Variants in MTF1 observed in about 807,000 individuals in gnomAD.
MTF1 encodes MRE-binding transcription factor.
In MTF1, 22 loss-of-function variants were observed where a neutral mutation model predicts 70.4. The ratio of observed to expected loss-of-function variants is 0.31; its 90% CI spans 0.22 to 0.45. MTF1 has a LOEUF of 0.45. MTF1 is among the 20% of genes least tolerant of loss of function. The probability of loss-of-function intolerance (pLI) is 1.00; values close to 1 mark genes in which losing one functional copy is unlikely to be tolerated. For missense variants in MTF1, 649 were observed against 922.0 expected, an observed-to-expected ratio of 0.70 and a Z score of 3.83; for synonymous variants, 333 against 352.8, an observed-to-expected ratio of 0.94 and a Z score of 0.63.
intron 2 of MTF1, among the ~76,000 whole-genome samples, chr1:37,850,301 G>C (rs1641396703): frequency 7.5e-6 from 1 of 133,424 alleles, no homozygotes; most frequent in South Asian, 2.5e-4. Context: ...ATTTTGATTA[G>C]AAATTTTGCA....
intron 2 of MTF1, among the ~76,000 whole-genome samples, chr1:37,856,021 C>A (rs1237331771): frequency 6.6e-6 from 1 of 152,044 alleles, no homozygotes; most frequent in African/African-American, 2.4e-5. Flanking sequence ...TTTTATTCTG[C>A]TAATAATAAC....
At chr1:37,856,916 T>C (rs1382955829) in intron 2 of MTF1, among the ~76,000 whole-genome samples, 1 of 152,230 alleles carries the variant, frequency 6.6e-6, no homozygotes, top group East Asian at 1.9e-4. Context: ...CTTCATCAAA[T>C]AAGCAAACTC....
chr1:37,849,380 C>G (rs915136712), intron 2 of MTF1, among the ~76,000 whole-genome samples: 35 of 151,586 alleles, frequency 2.3e-4, no homozygotes, highest in African/African-American at 8.0e-4. Flanking sequence ...GAGCCAAGAT[C>G]GTGCCACTGT....
Position 37,836,013 on chromosome 1 carries a change from G to A in MTF1, c.780-269C>T, listed in dbSNP as rs546902957. On this transcript the variant is annotated intron_variant, in intron 4 of 10. Coordinates refer to ENST00000373036, the MANE Select transcript of MTF1 (RefSeq NM_005955.3). ...GACAAGGTTTCACCATGTTAGCCAGGATGGTCTCGATCTCCTGACCTTGTG... is the reference window on the plus strand; with the variant it reads ...GACAAGGTTTCACCATGTTAGCCAGAATGGTCTCGATCTCCTGACCTTGTG... Among the ~76,000 whole-genome samples the A allele has an allele frequency of 1.1e-4, 17 of 152,220 alleles. No individual in the cohort carries two copies. The East Asian group carries it at 3.1e-3, about 28-fold the overall frequency.
chr1:37,845,806 T>C (rs1432195606), intron 2 of MTF1, among the ~76,000 whole-genome samples: 1 of 152,168 alleles, frequency 6.6e-6, no homozygotes, highest in Non-Finnish European at 1.5e-5. Context: ...ACACCCGGCC[T>C]GAAAATATTT....
At chr1:37,852,284 A>G (rs1041269143) in intron 2 of MTF1, among the ~76,000 whole-genome samples, 6 of 152,282 alleles carry the variant, frequency 3.9e-5, no homozygotes, top group Admixed American at 1.3e-4. Context: ...CACGTTTCCA[A>G]TGAGCTTTCC....
At chr1:37,818,870 G>A (rs1278019385) in intron 9 of MTF1, among the ~76,000 whole-genome samples, 1 of 151,802 alleles carries the variant, frequency 6.6e-6, no homozygotes, top group Non-Finnish European at 1.5e-5. Flanking sequence ...GCGGGTGCCT[G>A]TAATCCCAGC....
chr1:37,839,600 A>G (rs1641225058), intron 3 of MTF1, among the ~76,000 whole-genome samples: 1 of 152,166 alleles, frequency 6.6e-6, no homozygotes, highest in Non-Finnish European at 1.5e-5. Flanking sequence ...AGCCAAGGGG[A>G]GATAGTACTC....
At chr1:37,854,066 G>A (rs1641455089) in intron 2 of MTF1, among the ~76,000 whole-genome samples, 1 of 152,148 alleles carries the variant, frequency 6.6e-6, no homozygotes. Context: ...GGAGTGCAGT[G>A]GCACCATCTT....
chr1:37,826,734 T>C lies in MTF1; in HGVS notation c.1069-2922A>G, dbSNP rs1395450881. On this transcript the variant is annotated intron_variant, in intron 7 of 10. Transcript: ENST00000373036. ...TGGCTCACACCTGTAATCCCAGCAC[T>C]GTGTGGGGCCGAGGCAGGCAGATCG... 2.0e-5 allele frequency: 7 copies of C among 355,808 alleles called. No individual in the cohort carries two copies. The East Asian group carries it at 5.0e-4, about 26-fold the overall frequency. 22.0% of individuals were successfully genotyped at this position (355,808 alleles called of 1,614,324 possible).
rs763926199 is a variant in MTF1 at position 37,835,259 on chromosome 1, T to A, written c.854-44A>T. ...AGTGTTAATTTACCATAAAGTCATTTCACTGGATTAAGAAATCTACCTTTC... is the reference window on the plus strand; with the variant it reads ...AGTGTTAATTTACCATAAAGTCATTACACTGGATTAAGAAATCTACCTTTC... On this transcript the variant is annotated intron_variant, in intron 5 of 10. Coordinates refer to ENST00000373036, the MANE Select transcript of MTF1 (RefSeq NM_005955.3). The A allele has an allele frequency of 8.6e-5, 135 of 1,561,580 alleles. 2 individuals carry two copies. In the South Asian group the frequency reaches 1.3e-3, roughly 15 times the overall value.
intron 4 of MTF1, among the ~76,000 whole-genome samples, chr1:37,836,750 C>T (rs562585755): frequency 1.3e-5 from 2 of 152,300 alleles, no homozygotes; most frequent in Admixed American, 1.3e-4. Flanking sequence ...AATGCATTTT[C>T]TTATAAACCA....
In MTF1 at chr1:37,832,324, TG is replaced by T; in HGVS notation, c.991-3del. ...TAGACAAAGTGAGTGATTTGTATCC[TG>T]TGAAAGAGAAAAAATTCTAATTGAG... On this transcript the variant is annotated splice_region_variant and splice_polypyrimidine_tract_variant and intron_variant, in intron 6 of 10. Transcript: ENST00000373036. 6.2e-7 allele frequency: 1 copy of T among 1,604,574 alleles called. No individual in the cohort carries two copies. Among genetic ancestry groups the T allele is most frequent in the Non-Finnish European group, 8.5e-7 (1 of 1,173,440 alleles).
chr1:37,830,517 A>T (rs1641070620), intron 7 of MTF1, among the ~76,000 whole-genome samples: 1 of 152,232 alleles, frequency 6.6e-6, no homozygotes, highest in African/African-American at 2.4e-5. Flanking sequence ...ATAAAAAAAT[A>T]AAAATAAAAA....
In MTF1 at chr1:37,812,968, T is replaced by G. The variant is rs1640759291; in HGVS notation, c.*2168A>C. 1 of 151,966 alleles carries G rather than the reference T, an allele frequency of 6.6e-6. No homozygotes were observed. The highest frequency in any genetic ancestry group is 2.4e-5 in the African/African-American group (1 of 41,346). 9.4% of individuals were successfully genotyped at this position (151,966 alleles called of 1,614,324 possible). ...GCCACAATCCTTTTGGGGAAGGGAGTGCAGAAGGTCAAAAAGAAGTCAATT... is the reference window on the plus strand; with the variant it reads ...GCCACAATCCTTTTGGGGAAGGGAGGGCAGAAGGTCAAAAAGAAGTCAATT... On this transcript the variant is annotated 3_prime_UTR_variant, in exon 11 of 11. Transcript: ENST00000373036.
At chr1:37,832,802 C>T (rs536873710) in intron 6 of MTF1, among the ~76,000 whole-genome samples, 55 of 152,024 alleles carry the variant, frequency 3.6e-4, no homozygotes, top group African/African-American at 1.2e-3. Context: ...GTCAGGAATT[C>T]GAGACCAGCC....
intron 2 of MTF1, among the ~76,000 whole-genome samples, chr1:37,848,828 T>C (rs1641371816): frequency 1.3e-5 from 2 of 152,242 alleles, no homozygotes; most frequent in South Asian, 4.2e-4. Flanking sequence ...TGCAAAGAAA[T>C]GTAATCACAG....
At chr1:37,855,347 C>A (rs1023929022) in intron 2 of MTF1, among the ~76,000 whole-genome samples, 1 of 152,104 alleles carries the variant, frequency 6.6e-6, no homozygotes, top group African/African-American at 2.4e-5. Flanking sequence ...AGCTGGCTAA[C>A]AAATGTATTG....
chr1:37,810,238 G>C lies in MTF1; in HGVS notation c.*4898C>G, dbSNP rs1201520971. 6.6e-6 allele frequency: 1 copy of C among 152,506 alleles called. No individual in the cohort carries two copies. The highest frequency in any genetic ancestry group is 1.5e-5 in the Non-Finnish European group (1 of 68,024). The allele number at this position is 152,506 out of a possible 1,614,324, so 9.4% of individuals were successfully genotyped here. ...ATTGCAAAAAACACCCCTGGGTTTTGGTGCAAAAAGGTTTTATGAAAAATT... is the reference window on the plus strand; with the variant it reads ...ATTGCAAAAAACACCCCTGGGTTTTCGTGCAAAAAGGTTTTATGAAAAATT... On this transcript the variant is annotated 3_prime_UTR_variant, in exon 11 of 11. Transcript: ENST00000373036.
Sources: allele counts gnomAD v4.1 joint callset (sites outside exome capture counted in the v4.1 genomes callset), GRCh38; gene constraint gnomAD v4.1.1; transcripts MANE v1.5; gene names NCBI Gene and HGNC (gene_info 2026-07-23, HGNC 2026-07-21).